ROBO1: variants seen among roughly 807,000 people sequenced by gnomAD.
ROBO1 encodes the protein roundabout guidance receptor 1.
In ROBO1, 149 loss-of-function variants were observed where a neutral mutation model predicts 195.9. The observed-to-expected ratio is 0.76, with a 90% confidence interval of 0.67 to 0.87. ROBO1 has a LOEUF of 0.87. Among genes scored for constraint, ROBO1 ranks in the 40% least tolerant of loss-of-function variants. The pLI is 0.00. For synonymous variants in ROBO1, 816 were observed against 733.2 expected, an observed-to-expected ratio of 1.11 and a Z score of -1.82; for missense variants, 1,933 against 2,068.3, an observed-to-expected ratio of 0.93 and a Z score of 1.27.
intron 10 of ROBO1, among the ~76,000 whole-genome samples, chr3:78,680,728 G>T (rs2080880448): frequency 6.9e-6 from 1 of 144,276 alleles, no homozygotes; most frequent in Non-Finnish European, 1.5e-5. Context: ...CTTTTCCACT[G>T]TTGGTGGGAC....
chr3:79,155,956 T>C (rs897744072), intron 2 of ROBO1, among the ~76,000 whole-genome samples: 1 of 151,830 alleles, frequency 6.6e-6, no homozygotes, highest in Non-Finnish European at 1.5e-5. Flanking sequence ...ATAATTCACT[T>C]CCCAACTTAC....
chr3:78,907,835 G>C (rs1230761404), intron 4 of ROBO1, among the ~76,000 whole-genome samples: 1 of 151,840 alleles, frequency 6.6e-6, no homozygotes, highest in African/African-American at 2.4e-5. Flanking sequence ...AACATGAAAA[G>C]AGAAGAAAAT....
At chr3:79,392,122 C>T (rs137985888) in intron 2 of ROBO1, among the ~76,000 whole-genome samples, 1 of 152,276 alleles carries the variant, frequency 6.6e-6, no homozygotes, top group East Asian at 1.9e-4. Context: ...ATCTCATTTT[C>T]ACTCAAGGAA....
At chr3:79,002,171 T>C (rs1204709091) in intron 3 of ROBO1, among the ~76,000 whole-genome samples, 7 of 152,086 alleles carry the variant, frequency 4.6e-5, no homozygotes, top group African/African-American at 1.7e-4. Context: ...GTGAAGCAAG[T>C]GGCAATGACA....
intron 2 of ROBO1, among the ~76,000 whole-genome samples, chr3:79,174,163 G>A (rs1054932401): frequency 9.9e-5 from 15 of 151,962 alleles, no homozygotes; most frequent in African/African-American, 2.4e-4. Flanking sequence ...TTGTTCTTTC[G>A]CTCTTTGCAA....
intron 1 of ROBO1, among the ~76,000 whole-genome samples, chr3:79,625,684 A>G (rs1945154969): frequency 6.6e-6 from 1 of 152,076 alleles, no homozygotes; most frequent in Non-Finnish European, 1.5e-5. Context: ...TGAATAGACC[A>G]ATAACAAGTT....
At chr3:79,283,736 C>T (rs2031681662) in intron 2 of ROBO1, among the ~76,000 whole-genome samples, 2 of 148,242 alleles carry the variant, frequency 1.3e-5, no homozygotes, top group Admixed American at 6.7e-5. Context: ...CTCGCTCTGT[C>T]GCCCAGGCTG....
chr3:78,805,033 C>T (rs561527116), intron 4 of ROBO1, among the ~76,000 whole-genome samples: 4 of 152,186 alleles, frequency 2.6e-5, no homozygotes, highest in Middle Eastern at 3.4e-3. Context: ...TTATTAAATG[C>T]CCCTTTCCAA....
chr3:78,715,838 C>T (rs935644874), intron 7 of ROBO1, among the ~76,000 whole-genome samples: 1 of 152,144 alleles, frequency 6.6e-6, no homozygotes, highest in African/African-American at 2.4e-5. Context: ...GCCCGGCCAA[C>T]AAAATTAATT....
intron 2 of ROBO1, among the ~76,000 whole-genome samples, chr3:79,468,988 T>TA (rs930398997): frequency 1.3e-5 from 2 of 152,068 alleles, no homozygotes; most frequent in Admixed American, 1.3e-4. Context: ...GCAAATTTCA[T>TA]AAAAAAATGT....
intron 4 of ROBO1, among the ~76,000 whole-genome samples, chr3:78,856,039 A>G (rs1193150844): frequency 6.6e-6 from 1 of 151,994 alleles, no homozygotes; most frequent in African/African-American, 2.4e-5. Flanking sequence ...ATGACACACT[A>G]CCAGAACTTT....
chr3:79,382,996 A>C (rs571357801), intron 2 of ROBO1, among the ~76,000 whole-genome samples: 1 of 152,228 alleles, frequency 6.6e-6, no homozygotes, highest in East Asian at 1.9e-4. Flanking sequence ...AGGACAGTTG[A>C]AAGAGTTGAT....
intron 2 of ROBO1, among the ~76,000 whole-genome samples, chr3:79,416,739 T>A (rs997618539): frequency 1.3e-5 from 2 of 152,158 alleles, no homozygotes; most frequent in Non-Finnish European, 2.9e-5. Context: ...TGCTCATCCA[T>A]GTGTACCACT....
intron 10 of ROBO1, among the ~76,000 whole-genome samples, chr3:78,683,390 G>A (rs1018575146): frequency 6.6e-6 from 1 of 151,760 alleles, no homozygotes; most frequent in Non-Finnish European, 1.5e-5. Flanking sequence ...TTAGGGAGTG[G>A]GTGTGTACAT....
chr3:79,580,309 T>TA (rs1943618704), intron 2 of ROBO1, among the ~76,000 whole-genome samples: 1 of 151,504 alleles, frequency 6.6e-6, no homozygotes, highest in African/African-American at 2.4e-5. Flanking sequence ...CTTTCTCTAC[T>TA]AAAAACAAAA....
intron 1 of ROBO1, among the ~76,000 whole-genome samples, chr3:79,641,778 G>A (rs71324679): frequency 0.05 from 7,637 of 152,194 alleles, 206 homozygotes; most frequent in Non-Finnish European, 0.072. Flanking sequence ...AGCACTTTTG[G>A]AGGCCAGTGT....
chr3:79,253,775 C>T (rs112198801), intron 2 of ROBO1, among the ~76,000 whole-genome samples: 36 of 152,254 alleles, frequency 2.4e-4, no homozygotes, highest in African/African-American at 7.2e-4. Flanking sequence ...ATATCTTAGA[C>T]GCTAAGATTT....
intron 4 of ROBO1, among the ~76,000 whole-genome samples, chr3:78,914,536 T>C (rs990608943): frequency 9.9e-5 from 15 of 152,050 alleles, no homozygotes; most frequent in African/African-American, 3.4e-4. Context: ...GCTCCAAGTA[T>C]TTCCCTGACA....
intron 2 of ROBO1, among the ~76,000 whole-genome samples, chr3:79,492,825 T>C (rs1939536351): frequency 6.6e-6 from 1 of 152,112 alleles, no homozygotes. Context: ...GTGAAATTGA[T>C]AGGATAATTT....
Sources: gnomAD v4.1 joint callset for allele counts (sites outside exome capture counted in the v4.1 genomes callset) on GRCh38, gnomAD v4.1.1 for gene constraint, MANE v1.5 for transcripts, NCBI Gene and HGNC (gene_info 2026-07-23, HGNC 2026-07-21) for gene names.